Variants in GLB1 observed in about 807,000 individuals in gnomAD.
GLB1 encodes galactosidase beta 1.
Under a neutral mutation model 74.0 loss-of-function variants are expected in GLB1, and 56 were observed. That is an observed-to-expected ratio of 0.76 (90% confidence interval 0.61 to 0.94). GLB1 has a LOEUF of 0.94. GLB1 is among the 40% of genes least tolerant of loss of function. The probability of loss-of-function intolerance (pLI) is 0.00; values close to 1 mark genes in which losing one functional copy is unlikely to be tolerated. For missense variants in GLB1, 787 were observed against 845.5 expected (o/e 0.93, Z 0.86); for synonymous variants, 323 against 323.6 (o/e 1.00, Z 0.02).
At chr3:32,986,651 C>T in the GLB1 span, among the ~76,000 whole-genome samples, 1 of 150,678 alleles carries the variant, frequency 6.6e-6, no homozygotes, top group African/African-American at 2.5e-5. Flanking sequence ...AGTACAGTGG[C>T]ATGATCTCGG....
intron 1 of GLB1, among the ~76,000 whole-genome samples, chr3:33,083,397 CAA>C (rs60737086): frequency 0.21 from 21,322 of 103,718 alleles, 2,147 homozygotes; most frequent in African/African-American, 0.41. Context: ...AACTCTGTCT[CAA>C]AAAAAAAAAA....
At position 33,024,299 on chromosome 3, in the gene GLB1, G is replaced by A. The variant is rs200762972; in HGVS notation, c.1095C>T (p.Ile365=). The stretch of plus-strand genomic sequence containing the variant: ...ATGCAAACTTTGGTGTAGATGGAGG[G>A]ATAGGACCTTCTGGTACTTTTTCAA... The part of the protein sequence containing the change: ...QKFEKVPEGP[I]PPSTPKFAYG... Residue 365 remains isoleucine (I), a synonymous_variant, in exon 11 of 16, where the codon ATC becomes ATT. Transcript: ENST00000307363. 9.9e-5 allele frequency: 157 copies of A among 1,586,670 alleles called. No individual in the cohort carries two copies. The highest frequency in any genetic ancestry group is 2.6e-4 in the Admixed American group (15 of 57,500).
At chr3:33,005,350 C>G (rs908984900) in intron 15 of GLB1, among the ~76,000 whole-genome samples, 2 of 152,132 alleles carry the variant, frequency 1.3e-5, no homozygotes, top group African/African-American at 2.4e-5. Context: ...ACAAAATATC[C>G]TTCCCACTAG....
chr3:33,032,863 TTTTGTAAAAC>T (rs940831304), intron 10 of GLB1, among the ~76,000 whole-genome samples: 3 of 152,246 alleles, frequency 2.0e-5, no homozygotes, highest in Non-Finnish European at 4.4e-5. Context: ...TGTCATATGT[TTTTGTAAAAC>T]TTGCAAAAGT....
chr3:33,023,890 T>G (rs984900469), intron 11 of GLB1, among the ~76,000 whole-genome samples: 1 of 152,092 alleles, frequency 6.6e-6, no homozygotes, highest in Non-Finnish European at 1.5e-5. Context: ...CTAAAAAAGG[T>G]AAATACGACA....
chr3:33,044,968 GA>G (rs1336998637), intron 10 of GLB1, among the ~76,000 whole-genome samples: 1 of 152,136 alleles, frequency 6.6e-6, no homozygotes, highest in Non-Finnish European at 1.5e-5. Flanking sequence ...GCTCCAAATA[GA>G]AAAATGAAGC....
chr3:33,089,527 A>G (rs959494816), intron 1 of GLB1, among the ~76,000 whole-genome samples: 10 of 152,224 alleles, frequency 6.6e-5, no homozygotes, highest in Non-Finnish European at 1.0e-4. Flanking sequence ...CATGCTCAAC[A>G]TGGATAAACA....
chr3:33,022,362 C>T (rs1697525526), intron 11 of GLB1, among the ~76,000 whole-genome samples: 1 of 151,908 alleles, frequency 6.6e-6, no homozygotes, highest in African/African-American at 2.4e-5. Context: ...CCAGTCATTG[C>T]CTGTCTACAC....
At chr3:33,009,639 G>A (rs1696939883) in intron 15 of GLB1, among the ~76,000 whole-genome samples, 1 of 152,236 alleles carries the variant, frequency 6.6e-6, no homozygotes, top group African/African-American at 2.4e-5. Flanking sequence ...TGTTCAGCAA[G>A]ATATATGCCT....
intron 5 of GLB1, 28 bp downstream of exon 5, chr3:33,065,435 A>G (rs1490275363): frequency 1.9e-6 from 3 of 1,561,182 alleles, no homozygotes; most frequent in Non-Finnish European, 2.6e-6. Flanking sequence ...CCCTCCCCCA[A>G]TCCATCCATG....
At chr3:33,009,316 G>A (rs1219868341) in intron 15 of GLB1, among the ~76,000 whole-genome samples, 1 of 151,908 alleles carries the variant, frequency 6.6e-6, no homozygotes. Context: ...GAGGTCAGGA[G>A]TTCAAGACCA....
downstream of GLB1, among the ~76,000 whole-genome samples, chr3:32,993,413 T>C (rs1696258524): frequency 6.6e-6 from 1 of 151,642 alleles, no homozygotes; most frequent in African/African-American, 2.4e-5. Context: ...TAGAGTGCAG[T>C]GGTGTGATCT....
intron 1 of GLB1, among the ~76,000 whole-genome samples, chr3:33,087,440 C>T (rs746877507): frequency 5.3e-5 from 8 of 151,980 alleles, no homozygotes; most frequent in Admixed American, 2.0e-4. Context: ...TGTGGTGGCG[C>T]GTGCCTGTGG....
the GLB1 span, among the ~76,000 whole-genome samples, chr3:32,988,143 G>A: frequency 0.018 from 2,372 of 131,770 alleles, 65 homozygotes; most frequent in African/African-American, 0.064. Context: ...CCAAGATTAC[G>A]TCATTGCACT....
At chr3:33,000,501 C>T (rs962973413) in intron 15 of GLB1, among the ~76,000 whole-genome samples, 1 of 152,128 alleles carries the variant, frequency 6.6e-6, no homozygotes, top group Non-Finnish European at 1.5e-5. Flanking sequence ...CCAAGGCGGG[C>T]AAATCACTTG....
chr3:33,069,347 T>G (rs1348554477), intron 2 of GLB1, among the ~76,000 whole-genome samples: 2 of 152,080 alleles, frequency 1.3e-5, no homozygotes, highest in African/African-American at 4.8e-5. Context: ...ATTGTGCCAC[T>G]GCACTCCAAA....
intron 10 of GLB1, among the ~76,000 whole-genome samples, chr3:33,029,090 A>G (rs769049588): frequency 1.3e-5 from 2 of 152,214 alleles, no homozygotes; most frequent in Non-Finnish European, 2.9e-5. Context: ...TCATTTTAAT[A>G]TTGATGATTT....
intron 9 of GLB1, among the ~76,000 whole-genome samples, chr3:33,049,599 G>C (rs1452611942): frequency 6.6e-6 from 1 of 152,096 alleles, no homozygotes; most frequent in African/African-American, 2.4e-5. Flanking sequence ...TGTATCTTTA[G>C]TAGAGACAAG....
At position 33,094,302 on chromosome 3, in the gene GLB1, G is replaced by A. The variant is rs140304970; in HGVS notation, c.75+2709C>T. Reference sequence around the variant, plus strand: ...AAGGAGAGGTTTCCAGGTCAACTCCGCCTGCAACCAGGAACCAGCATCAGC... The same window carrying A: ...AAGGAGAGGTTTCCAGGTCAACTCCACCTGCAACCAGGAACCAGCATCAGC... On this transcript the variant is annotated intron_variant, in intron 1 of 15. Coordinates refer to ENST00000307363, the MANE Select transcript of GLB1 (RefSeq NM_000404.4). 1.9e-5 allele frequency: 29 copies of A among 1,493,770 alleles called. No homozygotes were observed. In the Admixed American group the frequency reaches 2.5e-4, roughly 13 times the overall value. The allele number at this position is 1,493,770 out of a possible 1,614,324, so 92.5% of individuals were successfully genotyped here.
Sources: allele counts gnomAD v4.1 joint callset (sites outside exome capture counted in the v4.1 genomes callset), GRCh38; gene constraint gnomAD v4.1.1; transcripts MANE v1.5; gene names NCBI Gene and HGNC (gene_info 2026-07-23, HGNC 2026-07-21).